Variants in SH2D4B observed in about 807,000 individuals in gnomAD.
SH2D4B encodes SH2 domain containing 4B, also known as SH2 domain-containing protein 4B.
A neutral mutation model predicts 61.5 loss-of-function variants in SH2D4B; 45 were observed. The observed-to-expected ratio is 0.73, with a 90% CI of 0.58 to 0.94. SH2D4B has a LOEUF of 0.94. SH2D4B is among the 40% of genes least tolerant of loss of function. SH2D4B has a pLI of 0.00. For missense variants in SH2D4B, 572 were observed against 574.2 expected, an observed-to-expected ratio of 1.00 and a Z score of 0.04; for synonymous variants, 224 against 220.4, an observed-to-expected ratio of 1.02 and a Z score of -0.14.
rs113579732 is a variant in SH2D4B at position 80,618,793 on chromosome 10, T to C, written c.988+9242T>C. Among the ~76,000 whole-genome samples, 168 of 151,846 alleles carry C rather than the reference T, an allele frequency of 1.1e-3. 1 individual carries two copies. The highest frequency in any genetic ancestry group is 3.9e-3 in the African/African-American group (162 of 41,412). ...TGCCTGCGTTTCTTTCTTTTGAGGG[T>C]GAAGTCCTAACCGAGAAATAAAAAG... On this transcript the variant is annotated intron_variant, in intron 6 of 7. Transcript: ENST00000646907.
intron 6 of SH2D4B, among the ~76,000 whole-genome samples, chr10:80,617,462 G>A (rs1250541322): frequency 6.6e-6 from 1 of 152,202 alleles, no homozygotes; most frequent in Non-Finnish European, 1.5e-5. Context: ...TACCTAGACA[G>A]GGGCAAGAGA....
At chr10:80,592,167 C>T (rs1293271705) in intron 4 of SH2D4B, among the ~76,000 whole-genome samples, 4 of 152,134 alleles carry the variant, frequency 2.6e-5, no homozygotes, top group Non-Finnish European at 1.5e-5. Flanking sequence ...TAAAAATGTG[C>T]TTTATGGCTG....
chr10:80,566,713 G>C (rs34369840), intron 1 of SH2D4B, among the ~76,000 whole-genome samples: 9,852 of 152,194 alleles, frequency 0.065, 411 homozygotes, highest in Middle Eastern at 0.11. Flanking sequence ...AGCGTGGAGG[G>C]TGGGTAGTTA....
At chr10:80,576,045 G>C (rs1451753602) in intron 3 of SH2D4B, among the ~76,000 whole-genome samples, 3 of 152,162 alleles carry the variant, frequency 2.0e-5, no homozygotes, top group African/African-American at 7.2e-5. Context: ...TTCCCACATG[G>C]GGGCTGAGCT....
chr10:80,576,223 A>G (rs1842123490), intron 3 of SH2D4B, among the ~76,000 whole-genome samples: 2 of 152,246 alleles, frequency 1.3e-5, no homozygotes, highest in South Asian at 4.1e-4. Context: ...GCTGGGGCTC[A>G]TGAAGGATCA....
chr10:80,568,856 C>T (rs1180164246), intron 1 of SH2D4B, among the ~76,000 whole-genome samples: 1 of 152,172 alleles, frequency 6.6e-6, no homozygotes, highest in East Asian at 1.9e-4. Context: ...TCCTAATGTT[C>T]TATTTTTCAA....
intron 7 of SH2D4B, chr10:80,642,860 T>C (rs532450095): frequency 3.1e-4 from 48 of 152,652 alleles, no homozygotes; most frequent in Admixed American, 2.9e-3. Context: ...TCCAAAAATA[T>C]GGTGCCAGTT....
intron 4 of SH2D4B, among the ~76,000 whole-genome samples, chr10:80,602,489 A>C (rs1167621219): frequency 6.6e-6 from 1 of 152,120 alleles, no homozygotes; most frequent in Admixed American, 6.6e-5. Flanking sequence ...CACATCTATT[A>C]ATATATGTGT....
chr10:80,613,999 C>A (rs1023959151), intron 6 of SH2D4B, among the ~76,000 whole-genome samples: 1 of 152,020 alleles, frequency 6.6e-6, no homozygotes, highest in Non-Finnish European at 1.5e-5. Flanking sequence ...ATGATTACTT[C>A]GGGAATGTTT....
At position 80,584,294 on chromosome 10, in the gene SH2D4B, C is replaced by T. The variant is rs551203786; in HGVS notation, c.496-4336C>T. 1.2e-3 allele frequency among the ~76,000 whole-genome samples: 188 copies of T among 152,268 alleles called. 1 individual carries two copies. Among genetic ancestry groups the T allele is most frequent in the South Asian group, 5.0e-3 (24 of 4,816 alleles). ...ATGGAGAGGAGGCTTAGGTGGTAAC[C>T]AGTGCAGATGGGAGAAGAAAAGATG... On this transcript the variant is annotated intron_variant, in intron 3 of 7. Transcript: ENST00000646907.
intron 1 of SH2D4B, chr10:80,540,692 T>G (rs1841565879): frequency 1.3e-6 from 1 of 754,880 alleles, no homozygotes; most frequent in Admixed American, 2.8e-5. Context: ...ATTCACCAAT[T>G]CATTCACTTA....
At position 80,630,846 on chromosome 10, in the gene SH2D4B, C is replaced by T. The variant is rs372932636; in HGVS notation, c.989-3439C>T. 4.6e-5 allele frequency among the ~76,000 whole-genome samples: 7 copies of T among 152,254 alleles called. No individual in the cohort carries two copies. The East Asian group carries it at 5.8e-4, about 13-fold the overall frequency. On this transcript the variant is annotated intron_variant, in intron 6 of 7. Transcript: ENST00000646907. Reference sequence around the variant, plus strand: ...GGGGAGCAGCCAGTACCAAACAGTGCGATGAGCCCAGAGGGGTAGGTTGAG... The same window carrying T: ...GGGGAGCAGCCAGTACCAAACAGTGTGATGAGCCCAGAGGGGTAGGTTGAG...
intron 6 of SH2D4B, among the ~76,000 whole-genome samples, chr10:80,622,467 G>A (rs1392316630): frequency 1.3e-5 from 2 of 152,246 alleles, no homozygotes; most frequent in Non-Finnish European, 2.9e-5. Flanking sequence ...GCTGCTGCTT[G>A]TGTAGTTTTT....
chr10:80,625,430 TTTAAA>T (rs1459257849), intron 6 of SH2D4B, among the ~76,000 whole-genome samples: 6 of 152,226 alleles, frequency 3.9e-5, no homozygotes, highest in African/African-American at 1.4e-4. Context: ...CCTTCTACAC[TTTAAA>T]TTATTTCTAG....
intron 1 of SH2D4B, among the ~76,000 whole-genome samples, chr10:80,549,666 C>T (rs142485066): frequency 1.6e-3 from 242 of 152,368 alleles, no homozygotes; most frequent in Non-Finnish European, 3.1e-3. Context: ...TGCAGCCTGC[C>T]ACCTTGCTCT....
chr10:80,626,483 A>G (rs1842768271), intron 6 of SH2D4B, among the ~76,000 whole-genome samples: 1 of 152,188 alleles, frequency 6.6e-6, no homozygotes, highest in Non-Finnish European at 1.5e-5. Flanking sequence ...CTCTTAAAAT[A>G]TTGCCTCCTC....
intron 3 of SH2D4B, among the ~76,000 whole-genome samples, chr10:80,579,874 G>A (rs1219908774): frequency 6.6e-6 from 1 of 152,186 alleles, no homozygotes; most frequent in Admixed American, 6.5e-5. Flanking sequence ...AGGCAAGGCT[G>A]ACGCCGACAA....
At position 80,588,694 on chromosome 10, in the gene SH2D4B, C is replaced by T. The variant is rs568132493; in HGVS notation, c.560C>T (p.Ala187Val). ...EQIRLQEEQR[A>V]KELYWTLKQA... ...ATTCGCCTCCAGGAAGAGCAGAGGG[C>T]GAAGGAGCTCTACTGGACCCTGAAG... Residue 187 changes from alanine to valine, a missense_variant, in exon 4 of 8, where the codon GCG becomes GTG. Ala to Val is a moderately conservative substitution (Grantham distance 64). Transcript: ENST00000646907. 6.1e-5 allele frequency: 99 copies of T among 1,614,042 alleles called. No individual in the cohort carries two copies. The highest frequency in any genetic ancestry group is 8.1e-5 in the Non-Finnish European group (96 of 1,180,044).
intron 1 of SH2D4B, among the ~76,000 whole-genome samples, chr10:80,559,385 T>A (rs1841876287): frequency 6.6e-6 from 1 of 152,150 alleles, no homozygotes; most frequent in African/African-American, 2.4e-5. Flanking sequence ...ATTTATCAAA[T>A]GTTAACGTTA....
Sources: gnomAD v4.1 joint callset for allele counts (sites outside exome capture counted in the v4.1 genomes callset) on GRCh38, gnomAD v4.1.1 for gene constraint, MANE v1.5 for transcripts, NCBI Gene and HGNC (gene_info 2026-07-23, HGNC 2026-07-21) for gene names.